CRTC2: variants seen among roughly 807,000 people sequenced by gnomAD.
CRTC2 encodes the protein CREB regulated transcription coactivator 2, also known as CREB-regulated transcription coactivator 2.
In CRTC2, 25 loss-of-function variants were observed where a neutral mutation model predicts 70.9. The observed-to-expected ratio is 0.35, with a 90% confidence interval of 0.26 to 0.49. CRTC2 has a LOEUF of 0.49. Among genes scored for constraint, CRTC2 ranks in the 20% least tolerant of loss-of-function variants. CRTC2 has a pLI of 0.98. For missense variants in CRTC2, 737 were observed against 882.6 expected, an observed-to-expected ratio of 0.83 and a Z score of 2.09; for synonymous variants, 330 against 364.1, an observed-to-expected ratio of 0.91 and a Z score of 1.07.
intron 1 of CRTC2, among the ~76,000 whole-genome samples, chr1:153,957,714 T>C (rs989920129): frequency 6.6e-6 from 1 of 152,108 alleles, no homozygotes; most frequent in Non-Finnish European, 1.5e-5. Flanking sequence ...TTCAAAACCC[T>C]ACCTCTCCTC....
intron 11 of CRTC2, 122 bp downstream of exon 11, chr1:153,951,138 A>T: frequency 9.4e-7 from 1 of 1,063,896 alleles, no homozygotes; most frequent in Non-Finnish European, 1.4e-6. Context: ...CAGGCGGAGG[A>T]CAGAGGAATG....
intron 1 of CRTC2, among the ~76,000 whole-genome samples, chr1:153,955,566 C>CA (rs767615432): frequency 0.35 from 14,792 of 41,738 alleles, 2,980 homozygotes; most frequent in Non-Finnish European, 0.41. Flanking sequence ...GACTCTGTCT[C>CA]AAAAAAAAAA....
At chr1:153,948,783 G>T in intron 12 of CRTC2, 139 bp from the exon 13 acceptor site, 1 of 1,006,744 alleles carries the variant, frequency 9.9e-7, no homozygotes, top group Non-Finnish European at 1.5e-6. Context: ...GTGGCAGCAA[G>T]CAGAGCGACA....
intron 1 of CRTC2, among the ~76,000 whole-genome samples, chr1:153,956,475 G>C (rs1415326616): frequency 6.6e-6 from 1 of 152,234 alleles, no homozygotes; most frequent in Non-Finnish European, 1.5e-5. Flanking sequence ...CAAGGCCATG[G>C]GGAGGAGGGC....
chr1:153,952,998 A>T, intron 6 of CRTC2, 164 bp from the exon 7 acceptor site: 2 of 836,846 alleles, frequency 2.4e-6, no homozygotes, highest in South Asian at 2.9e-5. Flanking sequence ...CCTGGCCAAG[A>T]TGGTGAAACC....
chr1:153,948,754 G>A, intron 12 of CRTC2, 110 bp from the exon 13 acceptor site: 2 of 1,272,534 alleles, frequency 1.6e-6, no homozygotes, highest in East Asian at 2.4e-5. Context: ...CCCAGGAACA[G>A]AGGCAATGAC....
chr1:153,947,914 C>T lies in CRTC2; in HGVS notation c.*195G>A. On this transcript the variant is annotated 3_prime_UTR_variant, in exon 14 of 14. Coordinates refer to ENST00000368633, the MANE Select transcript of CRTC2 (RefSeq NM_181715.3). ...GCTTTAGGCCCTCCCTTGAGTTCCC[C>T]CAGGCCCATCCCTTGCGCAGAATTC... 2 of 630,808 alleles carry T rather than the reference C, an allele frequency of 3.2e-6. No individual in the cohort carries two copies. The highest frequency in any genetic ancestry group is 3.8e-5 in the South Asian group (2 of 52,490). The allele number at this position is 630,808 out of a possible 1,614,324, so 39.1% of individuals were successfully genotyped here. A position where few individuals can be genotyped will look rare whatever the true frequency, so the allele number is the denominator to read the frequency against.
chr1:153,953,402 T>G lies in CRTC2; in HGVS notation c.504-33A>C, dbSNP rs1010905844. 1.9e-6 allele frequency: 3 copies of G among 1,543,116 alleles called. No individual in the cohort carries two copies. In the African/African-American group the frequency reaches 4.1e-5, roughly 21 times the overall value. On this transcript the variant is annotated intron_variant, in intron 5 of 13. Coordinates refer to ENST00000368633, the MANE Select transcript of CRTC2 (RefSeq NM_181715.3). ...GGGAGCAGGAATGAGCTGACACCAG[T>G]GACAGTCTTCCTGGTCCCTAAGCCC...
At chr1:153,951,840 G>A in intron 10 of CRTC2, 174 bp from the exon 11 acceptor site, 1 of 1,084,800 alleles carries the variant, frequency 9.2e-7, no homozygotes, top group African/African-American at 1.6e-5. Context: ...TTCTTTCTAG[G>A]AAACACCACA....
chr1:153,951,821 C>G, intron 10 of CRTC2, 155 bp from the exon 11 acceptor site: 6 of 1,052,424 alleles, frequency 5.7e-6, no homozygotes, highest in Non-Finnish European at 6.8e-6. Context: ...CTGGGGACTG[C>G]CCTTCCTCTT....
In CRTC2 at chr1:153,948,235, A is replaced by G. The variant is rs1680120197; in HGVS notation, c.1956T>C (p.Leu652=). 2 of 1,614,136 alleles carry G rather than the reference A, an allele frequency of 1.2e-6. No individual in the cohort carries two copies. The highest frequency in any genetic ancestry group is 1.7e-5 in the Admixed American group (1 of 60,008). Residue 652 remains leucine (L), a synonymous_variant, in exon 14 of 14, where the codon CTT becomes CTC. Coordinates refer to ENST00000368633, the MANE Select transcript of CRTC2 (RefSeq NM_181715.3). ...EVSAAGLELG[L]GLEDELRMEP... The stretch of plus-strand genomic sequence containing the variant: ...CCATGCGCAGCTCATCTTCTAGCCC[A>G]AGCCCTAGCTCCAATCCAGCTGCTG...
At position 153,947,737 on chromosome 1, in the gene CRTC2, GCT is replaced by G. The variant is rs2102095588; in HGVS notation, c.*370_*371del. 1 of 207,478 alleles carries G rather than the reference GCT, an allele frequency of 4.8e-6. No homozygotes were observed. Among genetic ancestry groups the G allele is most frequent in the Non-Finnish European group, 9.9e-6 (1 of 100,686 alleles). 12.9% of individuals were successfully genotyped at this position (207,478 alleles called of 1,614,324 possible). A position where few individuals can be genotyped will look rare whatever the true frequency, so the allele number is the denominator to read the frequency against. On this transcript the variant is annotated 3_prime_UTR_variant, in exon 14 of 14. Coordinates refer to ENST00000368633, the MANE Select transcript of CRTC2 (RefSeq NM_181715.3). Reference sequence around the variant, plus strand: ...TTAATAAAAAATAGTATCCACTCTGGCTCTCTCCTCCACTGCAAGGGGAAGAG... The same window carrying G: ...TTAATAAAAAATAGTATCCACTCTGGCTCTCCTCCACTGCAAGGGGAAGAG...
chr1:153,953,396 C>T, intron 5 of CRTC2, 27 bp from the exon 6 acceptor site: 1 of 1,555,412 alleles, frequency 6.4e-7, no homozygotes, highest in Non-Finnish European at 8.8e-7. Flanking sequence ...AATGAGCTGA[C>T]ACCAGTGACA....
At position 153,947,925 on chromosome 1, in the gene CRTC2, C is replaced by A; in HGVS notation, c.*184G>T. 1 of 654,398 alleles carries A rather than the reference C, an allele frequency of 1.5e-6. No homozygotes were observed. The highest frequency in any genetic ancestry group is 2.7e-6 in the Non-Finnish European group (1 of 375,554). 40.5% of individuals were successfully genotyped at this position (654,398 alleles called of 1,614,324 possible). ...TCCCTTGAGTTCCCCCAGGCCCATCCCTTGCGCAGAATTCAGGGGCCACCT... is the reference window on the plus strand; with the variant it reads ...TCCCTTGAGTTCCCCCAGGCCCATCACTTGCGCAGAATTCAGGGGCCACCT... On this transcript the variant is annotated 3_prime_UTR_variant, in exon 14 of 14. Coordinates refer to ENST00000368633, the MANE Select transcript of CRTC2 (RefSeq NM_181715.3).
intron 3 of CRTC2, 113 bp from the exon 4 acceptor site, chr1:153,954,429 C>T (rs1557870691): frequency 4.0e-6 from 3 of 756,870 alleles, no homozygotes; most frequent in South Asian, 1.5e-5. Context: ...TACCTTTCTC[C>T]TCTTCTATAA....
chr1:153,951,365 G>A lies in CRTC2; in HGVS notation c.1299C>T (p.Ser433=). The change falls in exon 11 of 14, where the codon AGC becomes AGT. Residue 433 remains serine, a synonymous_variant. Transcript: ENST00000368633. The part of the protein sequence containing the change: ...ASPHHRRVPL[S]PLSLLAGPAD... ...CTGGGCCCGCGAGCAAACTCAGGGG[G>A]CTGAGGGGCACACGGCGGTGGTGGG... 1.2e-6 allele frequency: 2 copies of A among 1,613,032 alleles called. No individual in the cohort carries two copies. Among genetic ancestry groups the A allele is most frequent in the Admixed American group, 1.7e-5 (1 of 59,800 alleles).
In CRTC2 at chr1:153,948,010, C is replaced by A. The variant is rs879219938; in HGVS notation, c.*99G>T. On this transcript the variant is annotated 3_prime_UTR_variant, in exon 14 of 14. Coordinates refer to ENST00000368633, the MANE Select transcript of CRTC2 (RefSeq NM_181715.3). The stretch of plus-strand genomic sequence containing the variant: ...CCTTCATTCATGCTAGAAAGAGGAT[C>A]TGGGGACAGAGAGTAGAGTCTCTAC... 183 of 1,154,558 alleles carry A rather than the reference C, an allele frequency of 1.6e-4. 4 individuals are homozygous for A. The South Asian group carries it at 2.3e-3, about 15-fold the overall frequency. 71.5% of individuals were successfully genotyped at this position (1,154,558 alleles called of 1,614,324 possible).
intron 4 of CRTC2, among the ~76,000 whole-genome samples, chr1:153,953,966 C>T (rs1288318605): frequency 6.6e-6 from 1 of 152,130 alleles, no homozygotes; most frequent in Non-Finnish European, 1.5e-5. Context: ...TTCACCTGCC[C>T]CTCTGCCATT....
intron 11 of CRTC2, 38 bp from the exon 12 acceptor site, chr1:153,949,422 T>C: frequency 6.5e-7 from 1 of 1,543,964 alleles, no homozygotes; most frequent in Non-Finnish European, 8.7e-7. Flanking sequence ...TACTGCTCAG[T>C]GTATACCCCA....
Sources: gnomAD v4.1 joint callset for allele counts (sites outside exome capture counted in the v4.1 genomes callset) on GRCh38, gnomAD v4.1.1 for gene constraint, MANE v1.5 for transcripts, NCBI Gene and HGNC (gene_info 2026-07-23, HGNC 2026-07-21) for gene names.